ATP2A1: variants seen among roughly 807,000 people sequenced by gnomAD.
The protein encoded by ATP2A1 is ATPase sarcoplasmic/endoplasmic reticulum Ca2+ transporting 1.
Under a neutral mutation model 109.5 loss-of-function variants are expected in ATP2A1, and 83 were observed. That is an observed-to-expected ratio of 0.76 (90% confidence interval 0.63 to 0.91). The LOEUF (loss-of-function observed/expected upper bound fraction) is 0.91. Among genes scored for constraint, ATP2A1 ranks in the 40% least tolerant of loss-of-function variants. The probability of loss-of-function intolerance (pLI) is 0.00; values close to 1 mark genes in which losing one functional copy is unlikely to be tolerated. For synonymous variants in ATP2A1, 505 were observed against 537.6 expected (o/e 0.94, Z 0.84); for missense variants, 1,101 against 1,341.0 (o/e 0.82, Z 2.80).
rs1340005895 is a variant in ATP2A1, at chr16:28,898,725, G to A, written c.1764+274G>A. On this transcript the variant is annotated intron_variant, in intron 14 of 22. Transcript: ENST00000395503. This position sits in a 1 kb window ranked among gnomAD's most constrained non-coding sequence, Gnocchi z 4.0. Reference sequence around the variant, plus strand: ...TCAAGACCAGCCTGGGCAATGAAGTGAGAACCCCATCTCTATTAAAAAAAA... The same window carrying A: ...TCAAGACCAGCCTGGGCAATGAAGTAAGAACCCCATCTCTATTAAAAAAAA... Among the ~76,000 whole-genome samples, 2 of 147,630 alleles carry A rather than the reference G, an allele frequency of 1.4e-5. No individual in the cohort carries two copies. Among genetic ancestry groups the A allele is most frequent in the Non-Finnish European group, 3.0e-5 (2 of 66,892 alleles).
intron 9 of ATP2A1, among the ~76,000 whole-genome samples, chr16:28,893,690 C>T (rs1260290663): frequency 6.7e-6 from 1 of 148,906 alleles, no homozygotes; most frequent in East Asian, 2.0e-4. Context: ...GCTCTTGTCG[C>T]CCAGGCTGGA....
At position 28,902,667 on chromosome 16, in the gene ATP2A1, T is replaced by C; in HGVS notation, c.2610+2T>C. ...CCTCATGTCAACTACAGCCAGCTGG[T>C]AGGGGGAGGCCACAAAGGAGGGGAC... On this transcript the variant is annotated splice_donor_variant, in intron 18 of 22. Coordinates refer to ENST00000395503, the MANE Select transcript of ATP2A1 (RefSeq NM_004320.6). LOFTEE classifies it high-confidence loss of function. The surrounding 1 kb of genome is among the most constrained non-coding windows in gnomAD (Gnocchi z 4.8). 1 of 1,613,838 alleles carries C rather than the reference T, an allele frequency of 6.2e-7. No homozygotes were observed. The highest frequency in any genetic ancestry group is 1.1e-5 in the South Asian group (1 of 91,072).
intron 9 of ATP2A1, among the ~76,000 whole-genome samples, chr16:28,891,793 C>T (rs139146357): frequency 0.051 from 7,752 of 151,482 alleles, 680 homozygotes; most frequent in African/African-American, 0.18. Context: ...GCAGGAGAAT[C>T]GCTTGAACCC....
chr16:28,889,093 C>T (rs1963698690), intron 9 of ATP2A1, 140 bp downstream of exon 9: 1 of 1,244,636 alleles, frequency 8.0e-7, no homozygotes, highest in South Asian at 1.2e-5. Context: ...CAGTAGAACG[C>T]CATCCTGTCT....
chr16:28,895,249 A>G lies in ATP2A1; in HGVS notation c.1419+296A>G, dbSNP rs79507595. Reference sequence around the variant, plus strand: ...AGGGACCCATCCAGGAGCAGCCCCAACTTCATCTGTTATTCCTTTGTTTCT... The same window carrying G: ...AGGGACCCATCCAGGAGCAGCCCCAGCTTCATCTGTTATTCCTTTGTTTCT... On this transcript the variant is annotated intron_variant, in intron 12 of 22. Transcript: ENST00000395503. Among the ~76,000 whole-genome samples, 235 of 152,346 alleles carry G rather than the reference A, an allele frequency of 1.5e-3. 1 individual carries two copies. The highest frequency in any genetic ancestry group is 5.3e-3 in the African/African-American group (219 of 41,592).
At position 28,901,974 on chromosome 16, in the gene ATP2A1, GACA is replaced by G; in HGVS notation, c.2215_2217del (p.Asn739del). ...TGCCTCTGAGATGGTGCTGGCTGAC[GACA>G]ACTTCTCCACCATCGTAGCTGCTGT... On this transcript the variant is annotated inframe_deletion, in exon 16 of 23. Coordinates refer to ENST00000395503, the MANE Select transcript of ATP2A1 (RefSeq NM_004320.6). The G allele has an allele frequency of 6.2e-7, 1 of 1,614,216 alleles. No homozygotes were observed. Among genetic ancestry groups the G allele is most frequent in the Non-Finnish European group, 8.5e-7 (1 of 1,180,042 alleles).
chr16:28,890,012 C>T (rs1963726108), intron 9 of ATP2A1, among the ~76,000 whole-genome samples: 1 of 151,998 alleles, frequency 6.6e-6, no homozygotes, highest in African/African-American at 2.4e-5. Context: ...CATGGTGGTG[C>T]GTGCCAGTAA....
intron 5 of ATP2A1, 28 bp from the exon 6 acceptor site, chr16:28,884,547 A>T: frequency 1.6e-5 from 25 of 1,532,862 alleles, no homozygotes; most frequent in East Asian, 2.3e-5. Context: ...TTCCCAAGTG[A>T]CCTCCCTCTT....
intron 9 of ATP2A1, 86 bp from the exon 10 acceptor site, chr16:28,894,069 T>TG: frequency 8.8e-7 from 1 of 1,138,582 alleles, no homozygotes; most frequent in South Asian, 1.3e-5. Context: ...AGGTAGGTGT[T>TG]GGCAGTGCAG....
At chr16:28,893,913 G>A (rs1963845724) in intron 9 of ATP2A1, among the ~76,000 whole-genome samples, 2 of 152,012 alleles carry the variant, frequency 1.3e-5, no homozygotes, top group Admixed American at 1.3e-4. Context: ...CTAAAGTGCT[G>A]GGATTACAGG....
intron 10 of ATP2A1, 39 bp from the exon 11 acceptor site, chr16:28,894,466 C>T (rs1234296911): frequency 1.3e-6 from 2 of 1,586,568 alleles, no homozygotes; most frequent in Non-Finnish European, 1.7e-6. Context: ...TGTTCTTCTC[C>T]ACTGTCTCTG....
At chr16:28,881,826 G>A in intron 4 of ATP2A1, among the ~76,000 whole-genome samples, 1 of 150,300 alleles carries the variant, frequency 6.7e-6, no homozygotes, top group East Asian at 1.9e-4. Flanking sequence ...GAGAGAAATA[G>A]CACTTTCTCT....
intron 10 of ATP2A1, 64 bp from the exon 11 acceptor site, chr16:28,894,441 C>T: frequency 6.6e-7 from 1 of 1,504,834 alleles, no homozygotes; most frequent in Non-Finnish European, 9.1e-7. Flanking sequence ...TGTGCCCTCT[C>T]TGCATCTCAT....
intron 10 of ATP2A1, 108 bp from the exon 11 acceptor site, chr16:28,894,397 C>G: frequency 5.3e-6 from 7 of 1,311,042 alleles, no homozygotes; most frequent in Non-Finnish European, 7.5e-6. Flanking sequence ...GCTCTCCCCA[C>G]TGTCCTTCCT....
intron 12 of ATP2A1, 110 bp from the exon 13 acceptor site, chr16:28,897,890 G>A: frequency 7.1e-7 from 1 of 1,407,396 alleles, no homozygotes; most frequent in Non-Finnish European, 1.0e-6. Flanking sequence ...TTGTGCTATA[G>A]GGACCAGACT....
Position 28,880,817 on chromosome 16 carries a change from C to A in ATP2A1, c.220-98C>A. On this transcript the variant is annotated intron_variant, in intron 3 of 22. Coordinates refer to ENST00000395503, the MANE Select transcript of ATP2A1 (RefSeq NM_004320.6). This position sits in a 1 kb window ranked among gnomAD's most constrained non-coding sequence, Gnocchi z 4.2. ...CCCGGCCCTCCTGCTGGCTCCTGCA[C>A]TCTCCTGCACAGTTCTCCCCTTTGC... 3 of 1,225,838 alleles carry A rather than the reference C, an allele frequency of 2.4e-6. No individual in the cohort carries two copies. Among genetic ancestry groups the A allele is most frequent in the Non-Finnish European group, 3.6e-6 (3 of 830,462 alleles). 75.9% of individuals were successfully genotyped at this position (1,225,838 alleles called of 1,614,324 possible).
Position 28,888,081 on chromosome 16 carries a change from G to A in ATP2A1, c.928+359G>A, listed in dbSNP as rs560259965. On this transcript the variant is annotated intron_variant, in intron 8 of 22. Transcript: ENST00000395503. ...CTCCCAAAGTGCTGGGATTACAGGC[G>A]TGAGCCACCGCACCCGGCCTTGCTC... 1.1e-3 allele frequency among the ~76,000 whole-genome samples: 172 copies of A among 152,232 alleles called. 1 individual carries two copies. The highest frequency in any genetic ancestry group is 2.7e-3 in the African/African-American group (112 of 41,556).
intron 8 of ATP2A1, among the ~76,000 whole-genome samples, chr16:28,888,081 G>T (rs560259965): frequency 1.3e-5 from 2 of 152,114 alleles, no homozygotes; most frequent in African/African-American, 4.8e-5. Context: ...GATTACAGGC[G>T]TGAGCCACCG....
At chr16:28,887,069 C>T in intron 6 of ATP2A1, 120 bp from the exon 7 acceptor site, 1 of 975,492 alleles carries the variant, frequency 1.0e-6, no homozygotes, top group Admixed American at 1.8e-5. Flanking sequence ...AGACATCCCC[C>T]AGGATGGCTA....
Sources: allele counts gnomAD v4.1 joint callset (sites outside exome capture counted in the v4.1 genomes callset), GRCh38; gene constraint gnomAD v4.1.1; non-coding constraint Gnocchi (gnomAD v3.1); transcripts MANE v1.5; gene names NCBI Gene and HGNC (gene_info 2026-07-23, HGNC 2026-07-21).